ANK3: variants seen among roughly 807,000 people sequenced by gnomAD.
The protein encoded by ANK3 is ankyrin 3, also known as ankyrin-3.
In ANK3, 57 loss-of-function variants were observed where a neutral mutation model predicts 370.9. The ratio of observed to expected loss-of-function variants is 0.15; its 90% CI spans 0.12 to 0.19. ANK3 has a LOEUF of 0.19. Ranked by LOEUF, ANK3 falls within the 10% of genes least tolerant of loss-of-function variation. The pLI is 1.00. For missense variants in ANK3, 4,439 were observed against 5,302.1 expected (o/e 0.84, Z 5.06); for synonymous variants, 1,929 against 1,946.3 (o/e 0.99, Z 0.23).
chr10:60,164,325 T>C (rs569614131), intron 23 of ANK3, among the ~76,000 whole-genome samples: 6 of 152,156 alleles, frequency 3.9e-5, no homozygotes, highest in African/African-American at 7.2e-5. Context: ...ACATCTTCCA[T>C]GGAGAATGCA....
At chr10:60,681,540 T>C (rs76998933) in intron 1 of ANK3, among the ~76,000 whole-genome samples, 6,560 of 152,306 alleles carry the variant, frequency 0.043, 196 homozygotes, top group Middle Eastern at 0.078. Flanking sequence ...TCTCAATGTA[T>C]AGTTCCCAGC....
At chr10:60,115,819 T>C (rs919278543) in intron 25 of ANK3, among the ~76,000 whole-genome samples, 4 of 152,054 alleles carry the variant, frequency 2.6e-5, no homozygotes, top group Non-Finnish European at 5.9e-5. Flanking sequence ...TAGGTGTAAA[T>C]TGGACCCTTA....
intron 1 of ANK3, among the ~76,000 whole-genome samples, chr10:60,640,795 T>C (rs1372848771): frequency 1.3e-4 from 13 of 102,944 alleles, no homozygotes; most frequent in East Asian, 2.5e-4. Context: ...CCAGGGCAAT[T>C]AGGCAGGAGA....
intron 23 of ANK3, among the ~76,000 whole-genome samples, chr10:60,158,685 C>CTTTTTTCTTTTT (rs565393055): frequency 1.1e-4 from 15 of 132,756 alleles, no homozygotes; most frequent in African/African-American, 3.2e-4. Context: ...CACTTTTTTT[C>CTTTTTTCTTTTT]TTTTTTTTGA....
intron 1 of ANK3, among the ~76,000 whole-genome samples, chr10:60,646,371 G>A (rs2078709801): frequency 6.6e-6 from 1 of 152,180 alleles, no homozygotes; most frequent in Non-Finnish European, 1.5e-5. Context: ...GAAATGTGGA[G>A]AAGGGATTAG....
intron 1 of ANK3, among the ~76,000 whole-genome samples, chr10:60,635,219 C>T (rs746729754): frequency 2.0e-5 from 3 of 152,158 alleles, no homozygotes; most frequent in Non-Finnish European, 4.4e-5. Flanking sequence ...GACCTCTCAT[C>T]ATTTAAAAGG....
chr10:60,553,582 T>C (rs1209084919), intron 2 of ANK3, among the ~76,000 whole-genome samples: 1 of 152,192 alleles, frequency 6.6e-6, no homozygotes, highest in East Asian at 1.9e-4. Context: ...GTATTCCTTC[T>C]ATTACTCAAA....
At chr10:60,091,880 G>C (rs7098820) in intron 28 of ANK3, among the ~76,000 whole-genome samples, 46,151 of 151,852 alleles carry the variant, frequency 0.3, 7,568 homozygotes, top group Non-Finnish European at 0.36. Flanking sequence ...ACAGGCATGC[G>C]CCACCATGCC....
At chr10:60,403,166 G>A (rs1035770227) in intron 2 of ANK3, among the ~76,000 whole-genome samples, 1 of 152,092 alleles carries the variant, frequency 6.6e-6, no homozygotes, top group Admixed American at 6.5e-5. Flanking sequence ...AATCTAAGGA[G>A]CCTATGTAGA....
intron 16 of ANK3, among the ~76,000 whole-genome samples, chr10:60,193,501 C>T (rs2096530909): frequency 2.2e-5 from 2 of 89,938 alleles, no homozygotes; most frequent in South Asian, 6.9e-4. Context: ...ACTAAAAATA[C>T]AAAAATTAGC....
At chr10:60,245,095 G>T (rs1415761141) in intron 7 of ANK3, among the ~76,000 whole-genome samples, 1 of 152,128 alleles carries the variant, frequency 6.6e-6, no homozygotes, top group Non-Finnish European at 1.5e-5. Context: ...CGTGAACCCG[G>T]GAGGCCGAGC....
chr10:60,611,318 G>A (rs74155621), intron 2 of ANK3, among the ~76,000 whole-genome samples: 4 of 152,070 alleles, frequency 2.6e-5, no homozygotes, highest in South Asian at 2.1e-4. Flanking sequence ...ACACCTGGCC[G>A]CCCGCTGGCT....
chr10:60,323,399 C>T (rs575789951), intron 1 of ANK3, among the ~76,000 whole-genome samples: 51 of 152,214 alleles, frequency 3.4e-4, no homozygotes, highest in African/African-American at 1.2e-3. Flanking sequence ...AGCCTTCTGG[C>T]TAAGTTATAA....
chr10:60,372,061 AT>A (rs1434943859), intron 1 of ANK3, among the ~76,000 whole-genome samples: 2 of 152,374 alleles, frequency 1.3e-5, no homozygotes, highest in African/African-American at 4.8e-5. Context: ...TCACATCTTT[AT>A]AATTCTACAC....
upstream of ANK3, among the ~76,000 whole-genome samples, chr10:60,393,448 G>C (rs972029965): frequency 6.6e-6 from 1 of 152,146 alleles, no homozygotes; most frequent in Non-Finnish European, 1.5e-5. Flanking sequence ...GGCATTATTA[G>C]AGCATGAATC....
intron 23 of ANK3, among the ~76,000 whole-genome samples, chr10:60,149,344 G>A (rs1565319791): frequency 6.6e-6 from 1 of 152,170 alleles, no homozygotes; most frequent in Non-Finnish European, 1.5e-5. Flanking sequence ...CTAATGAGAG[G>A]GCTACAGGGT....
intron 1 of ANK3, among the ~76,000 whole-genome samples, chr10:60,731,055 T>C (rs1564633547): frequency 1.3e-5 from 2 of 152,150 alleles, no homozygotes; most frequent in African/African-American, 2.4e-5. Flanking sequence ...GACAAAAATA[T>C]ACAGACATTT....
chr10:60,697,119 G>A (rs1255421946), intron 1 of ANK3, among the ~76,000 whole-genome samples: 48 of 151,560 alleles, frequency 3.2e-4, no homozygotes, highest in African/African-American at 9.2e-4. Context: ...ACAGACAAAC[G>A]GAGAGCCAAA....
chr10:60,525,806 C>T (rs867114652), intron 2 of ANK3, among the ~76,000 whole-genome samples: 6 of 152,072 alleles, frequency 3.9e-5, no homozygotes, highest in Non-Finnish European at 8.8e-5. Flanking sequence ...TGCATGCGAA[C>T]GCACTTTGTA....
Sources: allele counts gnomAD v4.1 joint callset (sites outside exome capture counted in the v4.1 genomes callset), GRCh38; gene constraint gnomAD v4.1.1; transcripts MANE v1.5; gene names NCBI Gene and HGNC (gene_info 2026-07-23, HGNC 2026-07-21).